GFRA1: variants seen among roughly 807,000 people sequenced by gnomAD.
GFRA1 encodes the protein GDNF family receptor alpha 1.
Under a neutral mutation model 51.6 loss-of-function variants are expected in GFRA1, and 16 were observed. That is an observed-to-expected ratio of 0.31 (90% CI 0.21 to 0.47). GFRA1 has a LOEUF of 0.47. GFRA1 is among the 20% of genes least tolerant of loss of function. The pLI is 1.00. For missense variants in GFRA1, 530 were observed against 594.3 expected (o/e 0.89, Z 1.13); for synonymous variants, 270 against 241.3 (o/e 1.12, Z -1.10).
rs1329520020 is a variant in GFRA1 at position 116,132,276 on chromosome 10, G to T, written c.434-6719C>A. ...TAGCCTAAACAAATATTGAACACTG[G>T]TTAGTCATATGTGTGCTGAAGCGTT... On this transcript the variant is annotated intron_variant, in intron 5 of 10. Transcript: ENST00000355422. Among the ~76,000 whole-genome samples the T allele has an allele frequency of 4.6e-5, 7 of 152,020 alleles. 1 individual carries two copies. The South Asian group carries it at 6.2e-4, about 14-fold the overall frequency.
chr10:116,161,771 C>A (rs1959828474), intron 5 of GFRA1, among the ~76,000 whole-genome samples: 1 of 152,196 alleles, frequency 6.6e-6, no homozygotes, highest in Non-Finnish European at 1.5e-5. Flanking sequence ...GAACTGTGAG[C>A]CCATTAAACT....
Position 116,254,553 on chromosome 10 carries a change from C to T in GFRA1, c.418+14950G>A, listed in dbSNP as rs145875094. ...AAAAAAGAAAGAAAGCATCTCCTGCCCTACTGATGGGAGGCCAGCAGACAT... is the reference window on the plus strand; with the variant it reads ...AAAAAAGAAAGAAAGCATCTCCTGCTCTACTGATGGGAGGCCAGCAGACAT... On this transcript the variant is annotated intron_variant, in intron 4 of 10. Coordinates refer to ENST00000355422, the MANE Select transcript of GFRA1 (RefSeq NM_005264.8). 7.2e-5 allele frequency among the ~76,000 whole-genome samples: 11 copies of T among 152,004 alleles called. No homozygotes were observed. In the East Asian group the frequency reaches 1.9e-3, roughly 27 times the overall value.
intron 6 of GFRA1, among the ~76,000 whole-genome samples, chr10:116,115,010 C>G (rs548572801): frequency 8.5e-5 from 13 of 152,306 alleles, no homozygotes; most frequent in Middle Eastern, 3.4e-3. Context: ...GCCTAACTCG[C>G]AAACGCTTAC....
intron 9 of GFRA1, among the ~76,000 whole-genome samples, chr10:116,073,977 T>G (rs1358659731): frequency 2.0e-5 from 3 of 152,112 alleles, no homozygotes; most frequent in Non-Finnish European, 4.4e-5. Context: ...CCTTTAAAAG[T>G]TTTTTAGAAT....
chr10:116,087,872 G>A (rs1217270141), intron 9 of GFRA1, among the ~76,000 whole-genome samples: 2 of 152,144 alleles, frequency 1.3e-5, no homozygotes, highest in Admixed American at 1.3e-4. Flanking sequence ...TCTGAAACTC[G>A]GCCTCGCTGC....
At chr10:116,112,392 G>A (rs1957247411) in intron 6 of GFRA1, among the ~76,000 whole-genome samples, 1 of 152,154 alleles carries the variant, frequency 6.6e-6, no homozygotes, top group African/African-American at 2.4e-5. Flanking sequence ...CACTGTCATT[G>A]TCATCATTTA....
intron 4 of GFRA1, among the ~76,000 whole-genome samples, chr10:116,269,296 C>G (rs1162091253): frequency 6.6e-6 from 1 of 152,202 alleles, no homozygotes; most frequent in African/African-American, 2.4e-5. Context: ...AACCACCACA[C>G]CACATTACTT....
chr10:116,131,519 A>C (rs1387972090), intron 5 of GFRA1, among the ~76,000 whole-genome samples: 1 of 152,184 alleles, frequency 6.6e-6, no homozygotes, highest in African/African-American at 2.4e-5. Flanking sequence ...CATCAATAGG[A>C]AAATGGCTCA....
intron 5 of GFRA1, among the ~76,000 whole-genome samples, chr10:116,141,155 C>T (rs1958547995): frequency 1.3e-5 from 2 of 152,188 alleles, no homozygotes; most frequent in South Asian, 4.1e-4. Flanking sequence ...ACAGTTACAC[C>T]TCACACGATT....
intron 9 of GFRA1, among the ~76,000 whole-genome samples, chr10:116,080,314 T>C (rs1409730319): frequency 6.6e-6 from 1 of 152,172 alleles, no homozygotes; most frequent in Non-Finnish European, 1.5e-5. Flanking sequence ...GCCCAAAGTT[T>C]AATGGCTACT....
In GFRA1 at chr10:116,058,052, A is replaced by AGAGAGAC; in HGVS notation, c.*6345_*6346insGTCTCTC. On this transcript the variant is annotated 3_prime_UTR_variant, in exon 11 of 11. Transcript: ENST00000355422. ...TGTGTGTGTGTGTGTGACAGAGAGA[A>AGAGAGAC]CCACGCTTTATTGGCGGAGCCTTAT... The AGAGAGAC allele has an allele frequency of 1.9e-5, 2 of 107,612 alleles. No homozygotes were observed. The highest frequency in any genetic ancestry group is 1.1e-4 in the Admixed American group (1 of 9,124). The allele number at this position is 107,612 out of a possible 1,614,324, so 6.7% of individuals were successfully genotyped here. A position where few individuals can be genotyped will look rare whatever the true frequency, so the allele number is the denominator to read the frequency against.
In GFRA1 at chr10:116,252,760, T is replaced by C. The variant is rs189682366; in HGVS notation, c.418+16743A>G. 6.6e-5 allele frequency among the ~76,000 whole-genome samples: 10 copies of C among 152,206 alleles called. No individual in the cohort carries two copies. The East Asian group carries it at 1.5e-3, about 24-fold the overall frequency. On this transcript the variant is annotated intron_variant, in intron 4 of 10. Transcript: ENST00000355422. ...AACTTCTATCACTGTGACTGGGGGA[T>C]AGGCTTCAACATGCTGTCTCATAAC...
intron 9 of GFRA1, among the ~76,000 whole-genome samples, chr10:116,083,809 G>A (rs1412822892): frequency 6.6e-6 from 1 of 152,192 alleles, no homozygotes; most frequent in African/African-American, 2.4e-5. Flanking sequence ...CGTGGGGAGA[G>A]GGTGGAAGGG....
rs1001108541 is a variant in GFRA1 at position 116,059,000 on chromosome 10, C to T, written c.*5398G>A. On this transcript the variant is annotated 3_prime_UTR_variant, in exon 11 of 11. Transcript: ENST00000355422. ...TGTTGGGAGAGATGCTAGTTTCTCG[C>T]CTCTCAGCAGGAAATGCCACGGGCA... The T allele has an allele frequency of 3.9e-4, 59 of 152,286 alleles. No individual in the cohort carries two copies. The highest frequency in any genetic ancestry group is 1.3e-3 in the African/African-American group (52 of 41,552). The allele number at this position is 152,286 out of a possible 1,614,324, so 9.4% of individuals were successfully genotyped here. A position where few individuals can be genotyped will look rare whatever the true frequency, so the allele number is the denominator to read the frequency against.
At chr10:116,202,507 T>C (rs1252904860) in intron 5 of GFRA1, among the ~76,000 whole-genome samples, 2 of 152,118 alleles carry the variant, frequency 1.3e-5, no homozygotes, top group Non-Finnish European at 2.9e-5. Flanking sequence ...ATTCTCACCC[T>C]GCTATAAAGA....
rs144833009 is a variant in GFRA1, at chr10:116,122,710, C to T, written c.770+2511G>A. ...GGGGGAGGTCTCAGACCTTCTCTGG[C>T]CATCTTGTGTAAGATAAACCTGGGA... On this transcript the variant is annotated intron_variant, in intron 6 of 10. Transcript: ENST00000355422. Among the ~76,000 whole-genome samples the T allele has an allele frequency of 3.7e-4, 57 of 152,244 alleles. 1 individual carries two copies. The highest frequency in any genetic ancestry group is 1.3e-3 in the African/African-American group (55 of 41,538).
At chr10:116,226,489 C>T (rs781529254) in intron 4 of GFRA1, among the ~76,000 whole-genome samples, 7 of 152,136 alleles carry the variant, frequency 4.6e-5, no homozygotes, top group Non-Finnish European at 1.0e-4. Context: ...TGAGGGCATC[C>T]CCCTTTAGCT....
chr10:116,167,845 C>T (rs1453898527), intron 5 of GFRA1, among the ~76,000 whole-genome samples: 1 of 152,158 alleles, frequency 6.6e-6, no homozygotes, highest in Non-Finnish European at 1.5e-5. Context: ...CTATGAAATA[C>T]TCATGAGAGT....
chr10:116,127,869 TATGACCATATTCTGG>T (rs770925419), intron 5 of GFRA1, among the ~76,000 whole-genome samples: 18 of 152,262 alleles, frequency 1.2e-4, no homozygotes, highest in Non-Finnish European at 2.4e-4. Context: ...AACAAATTAA[TATGACCATATTCTGG>T]ATCAGACTTT....
Sources: allele counts gnomAD v4.1 joint callset (sites outside exome capture counted in the v4.1 genomes callset), GRCh38; gene constraint gnomAD v4.1.1; transcripts MANE v1.5; gene names NCBI Gene and HGNC (gene_info 2026-07-23, HGNC 2026-07-21).